AFAP1L2: variants seen among roughly 807,000 people sequenced by gnomAD.
AFAP1L2 encodes actin filament associated protein 1 like 2.
A neutral mutation model predicts 99.3 loss-of-function variants in AFAP1L2; 46 were observed. That is an observed-to-expected ratio of 0.46 (90% CI 0.37 to 0.59). The LOEUF (loss-of-function observed/expected upper bound fraction) is 0.59. AFAP1L2 is among the 20% of genes least tolerant of loss of function. AFAP1L2 has a pLI of 0.00. For missense variants in AFAP1L2, 959 were observed against 1,034.9 expected (o/e 0.93, Z 1.01); for synonymous variants, 397 against 419.1 (o/e 0.95, Z 0.64).
At chr10:114,390,844 T>C (rs913552730) in intron 1 of AFAP1L2, among the ~76,000 whole-genome samples, 7 of 152,198 alleles carry the variant, frequency 4.6e-5, no homozygotes, top group Non-Finnish European at 8.8e-5. Context: ...TTGTGCCACC[T>C]TCTCATTTCT....
At chr10:114,317,517 A>G (rs2044320253) in intron 5 of AFAP1L2, among the ~76,000 whole-genome samples, 1 of 152,154 alleles carries the variant, frequency 6.6e-6, no homozygotes, top group African/African-American at 2.4e-5. Context: ...ATACTCTTTG[A>G]TCCAATAATC....
intron 1 of AFAP1L2, among the ~76,000 whole-genome samples, chr10:114,354,135 G>A (rs1039158042): frequency 3.9e-5 from 6 of 152,150 alleles, no homozygotes; most frequent in Admixed American, 3.3e-4. Context: ...GGCCAAAATA[G>A]CTGATGAAAT....
At chr10:114,366,887 G>A (rs1019030126) in intron 1 of AFAP1L2, among the ~76,000 whole-genome samples, 4 of 152,218 alleles carry the variant, frequency 2.6e-5, no homozygotes, top group Admixed American at 1.3e-4. Flanking sequence ...AGAATCGCTT[G>A]AACCCAGGAG....
At chr10:114,306,374 A>AGGGGAGGTGGGGGCAGGAGGGGCCGCGG (rs1164260630) in intron 10 of AFAP1L2, among the ~76,000 whole-genome samples, 1 of 147,824 alleles carries the variant, frequency 6.8e-6, no homozygotes. Context: ...CGGGGGCAGG[A>AGGGGAGGTGGGGGCAGGAGGGGCCGCGG]GGGCATGGGT....
At chr10:114,358,920 TAA>T (rs57335416) in intron 1 of AFAP1L2, among the ~76,000 whole-genome samples, 86,679 of 150,558 alleles carry the variant, frequency 0.58, 25,532 homozygotes, top group East Asian at 0.71. Context: ...CATCTCAAAA[TAA>T]AAAAAAAAAG....
At chr10:114,319,756 G>GA in intron 5 of AFAP1L2, 1 of 677,338 alleles carries the variant, frequency 1.5e-6, no homozygotes, top group Non-Finnish European at 2.2e-6. Context: ...GTGGCAACTC[G>GA]GCTGCCAGTC....
chr10:114,291,303 G>A, downstream of AFAP1L2: 1 of 1,505,614 alleles, frequency 6.6e-7, no homozygotes. Context: ...AGAAGGCCTG[G>A]GCACTGAAAT....
chr10:114,302,229 G>A, intron 12 of AFAP1L2, 110 bp downstream of exon 12: 1 of 1,456,006 alleles, frequency 6.9e-7, no homozygotes, highest in East Asian at 2.3e-5. Context: ...CTGCTGGGCA[G>A]AGTGGGGTGG....
intron 4 of AFAP1L2, among the ~76,000 whole-genome samples, chr10:114,327,936 G>T (rs965250624): frequency 6.6e-6 from 1 of 152,248 alleles, no homozygotes; most frequent in African/African-American, 2.4e-5. Flanking sequence ...TCCGAGGCTA[G>T]CCACGGCAAT....
chr10:114,358,734 G>A (rs1480628468), intron 1 of AFAP1L2, among the ~76,000 whole-genome samples: 2 of 152,174 alleles, frequency 1.3e-5, no homozygotes, highest in East Asian at 1.9e-4. Flanking sequence ...GGTCAACATG[G>A]CGAAACCCCG....
chr10:114,335,429 G>T, intron 2 of AFAP1L2, among the ~76,000 whole-genome samples: 1 of 151,778 alleles, frequency 6.6e-6, no homozygotes, highest in East Asian at 1.9e-4. Context: ...TGGCTAACAT[G>T]GTGAAACCCC....
At chr10:114,395,019 C>T (rs1450030501) in intron 1 of AFAP1L2, among the ~76,000 whole-genome samples, 1 of 152,120 alleles carries the variant, frequency 6.6e-6, no homozygotes, top group African/African-American at 2.4e-5. Flanking sequence ...GTAGGGACCC[C>T]ATCTCTAAAA....
chr10:114,368,091 A>G (rs1030523621), intron 1 of AFAP1L2, among the ~76,000 whole-genome samples: 1 of 152,228 alleles, frequency 6.6e-6, no homozygotes, highest in African/African-American at 2.4e-5. Context: ...GGATAAAGAA[A>G]GTGTGGCATA....
At chr10:114,333,626 T>G (rs1240970877) in intron 2 of AFAP1L2, among the ~76,000 whole-genome samples, 2 of 152,108 alleles carry the variant, frequency 1.3e-5, no homozygotes, top group African/African-American at 4.8e-5. Flanking sequence ...GAGACCAGCC[T>G]GGCCAACATG....
intron 4 of AFAP1L2, among the ~76,000 whole-genome samples, chr10:114,327,151 ATATATATATATATATATATATATTTTTT>A (rs2046438801): frequency 1.3e-5 from 1 of 75,022 alleles, no homozygotes; most frequent in Admixed American, 1.5e-4. Context: ...ATATATTTAT[ATATATATATATATATATATATATTTTTT>A]TTTTAGGCAG....
chr10:114,352,656 A>T (rs951548607), intron 1 of AFAP1L2, among the ~76,000 whole-genome samples: 1 of 152,208 alleles, frequency 6.6e-6, no homozygotes, highest in African/African-American at 2.4e-5. Flanking sequence ...GAAGGTTTTC[A>T]AAGCTTTCTG....
At chr10:114,385,196 C>G (rs991778683) in intron 1 of AFAP1L2, among the ~76,000 whole-genome samples, 9 of 152,076 alleles carry the variant, frequency 5.9e-5, no homozygotes, top group African/African-American at 1.9e-4. Flanking sequence ...CCAGCAGGGA[C>G]AGGACATGGA....
chr10:114,392,230 T>C (rs2057241547), intron 1 of AFAP1L2, among the ~76,000 whole-genome samples: 1 of 151,990 alleles, frequency 6.6e-6, no homozygotes, highest in Admixed American at 6.6e-5. Context: ...TACAAAAAAA[T>C]GAAAAATAAA....
chr10:114,392,665 T>C (rs775476565), intron 1 of AFAP1L2, among the ~76,000 whole-genome samples: 15 of 152,204 alleles, frequency 9.9e-5, no homozygotes, highest in Non-Finnish European at 1.8e-4. Flanking sequence ...TAAACCATTT[T>C]CACACTCATA....
Sources: allele counts gnomAD v4.1 joint callset (sites outside exome capture counted in the v4.1 genomes callset), GRCh38; gene constraint gnomAD v4.1.1; transcripts MANE v1.5; gene names NCBI Gene and HGNC (gene_info 2026-07-23, HGNC 2026-07-21).